DYTN: variants seen among roughly 807,000 people sequenced by gnomAD.
DYTN encodes dystrotelin.
A neutral mutation model predicts 69.6 loss-of-function variants in DYTN; 75 were observed. The observed-to-expected ratio is 1.08, with a 90% CI of 0.89 to 1.31. The LOEUF is 1.31. DYTN is among the 50% of genes most tolerant of loss of function. The pLI is 0.00. For synonymous variants in DYTN, 252 were observed against 249.1 expected (o/e 1.01, Z -0.11); for missense variants, 726 against 688.4 (o/e 1.05, Z -0.61).
chr2:206,665,332 T>C (rs966451552), intron 10 of DYTN, among the ~76,000 whole-genome samples: 1 of 152,184 alleles, frequency 6.6e-6, no homozygotes, highest in African/African-American at 2.4e-5. Flanking sequence ...ATGTTTTAGT[T>C]AGTGAATACA....
chr2:206,688,635 T>C (rs1051864333), intron 9 of DYTN, among the ~76,000 whole-genome samples: 2 of 152,174 alleles, frequency 1.3e-5, no homozygotes, highest in African/African-American at 2.4e-5. Context: ...GGGTTACAAA[T>C]AAATTTTTGC....
chr2:206,692,300 C>A (rs1221060603), intron 9 of DYTN, among the ~76,000 whole-genome samples: 1 of 149,804 alleles, frequency 6.7e-6, no homozygotes, highest in Non-Finnish European at 1.5e-5. Flanking sequence ...TCTCCTTTAT[C>A]TTCTGCTATT....
intron 4 of DYTN, 70 bp from the exon 5 acceptor site, chr2:206,705,013 A>C: frequency 8.1e-7 from 1 of 1,236,188 alleles, no homozygotes; most frequent in Non-Finnish European, 1.2e-6. Flanking sequence ...ACTTGCTTTG[A>C]AGTAACAGTC....
chr2:206,700,278 A>T lies in DYTN; in HGVS notation c.484-62T>A, dbSNP rs1444603789. On this transcript the variant is annotated intron_variant, in intron 5 of 11. Transcript: ENST00000452335. ...GGAGAAATATGTCGTCTCCGGGAGC[A>T]GCAGGGCTGAGAGCTGGTGCCCACG... 1.9e-6 allele frequency: 3 copies of T among 1,587,696 alleles called. No individual in the cohort carries two copies. The African/African-American group carries it at 4.0e-5, about 21-fold the overall frequency.
chr2:206,707,192 A>G lies in DYTN; in HGVS notation c.296+110T>C, dbSNP rs1267420555. 10 of 1,307,882 alleles carry G rather than the reference A, an allele frequency of 7.6e-6. No homozygotes were observed. The African/African-American group carries it at 1.3e-4, about 18-fold the overall frequency. The allele number at this position is 1,307,882 out of a possible 1,614,324, so 81.0% of individuals were successfully genotyped here. The stretch of plus-strand genomic sequence containing the variant: ...AATTTGTGAAAAACAAACAAAGAAG[A>G]CTTCTTATATACCAAACCTCAAGCA... On this transcript the variant is annotated intron_variant, in intron 3 of 11. Transcript: ENST00000452335.
At chr2:206,704,970 A>C in intron 4 of DYTN, 27 bp from the exon 5 acceptor site, 1 of 1,568,344 alleles carries the variant, frequency 6.4e-7, no homozygotes, top group Middle Eastern at 1.7e-4. Context: ...AACAATCTTT[A>C]AATTGAATAC....
chr2:206,711,956 A>C (rs1429025346), intron 1 of DYTN, among the ~76,000 whole-genome samples: 1 of 152,190 alleles, frequency 6.6e-6, no homozygotes, highest in Non-Finnish European at 1.5e-5. Context: ...ATATCTAGAA[A>C]AAATAACTAT....
At chr2:206,672,936 T>C (rs1363362773) in intron 9 of DYTN, among the ~76,000 whole-genome samples, 2 of 152,240 alleles carry the variant, frequency 1.3e-5, no homozygotes, top group South Asian at 2.1e-4. Flanking sequence ...AAAACTTGCA[T>C]TTTGAGTTCA....
intron 9 of DYTN, among the ~76,000 whole-genome samples, chr2:206,685,784 T>C (rs78724094): frequency 0.034 from 5,138 of 152,132 alleles, 112 homozygotes; most frequent in Middle Eastern, 0.065. Flanking sequence ...TTTTTTCCCC[T>C]TACATAACTT....
At chr2:206,680,819 C>T (rs1266786191) in intron 9 of DYTN, among the ~76,000 whole-genome samples, 1 of 152,134 alleles carries the variant, frequency 6.6e-6, no homozygotes, top group Non-Finnish European at 1.5e-5. Flanking sequence ...TGCACCAGTT[C>T]ATCAGTTTTT....
chr2:206,691,421 A>T (rs2217356), intron 9 of DYTN, among the ~76,000 whole-genome samples: 148,454 of 152,080 alleles, frequency 0.98, 72,507 homozygotes, highest in South Asian at 1. Context: ...TTAAAAAAAA[A>T]ATATATATAT....
chr2:206,666,976 T>C (rs1378550081), intron 9 of DYTN, among the ~76,000 whole-genome samples: 1 of 151,906 alleles, frequency 6.6e-6, no homozygotes, highest in Non-Finnish European at 1.5e-5. Flanking sequence ...GCCCAGGAGT[T>C]AGAGGTTACA....
intron 7 of DYTN, among the ~76,000 whole-genome samples, chr2:206,698,444 C>T (rs1699943075): frequency 6.6e-6 from 1 of 152,154 alleles, no homozygotes; most frequent in East Asian, 1.9e-4. Flanking sequence ...ACAAAGTGAG[C>T]AGGAGCTGAG....
In DYTN at chr2:206,694,663, C is replaced by T. The variant is rs1699900503; in HGVS notation, c.831+103G>A. ...TAGTCTTAAATATTGCAATGTATGA[C>T]AGGAGCAGAATCTGTGGTTTCACTG... On this transcript the variant is annotated intron_variant, in intron 8 of 11. Coordinates refer to ENST00000452335, the MANE Select transcript of DYTN (RefSeq NM_001093730.1). The T allele has an allele frequency of 5.8e-6, 5 of 862,888 alleles. No individual in the cohort carries two copies. In the East Asian group the frequency reaches 1.3e-4, roughly 23 times the overall value. The allele number at this position is 862,888 out of a possible 1,614,324, so 53.5% of individuals were successfully genotyped here. A position where few individuals can be genotyped will look rare whatever the true frequency, so the allele number is the denominator to read the frequency against.
intron 2 of DYTN, among the ~76,000 whole-genome samples, chr2:206,708,790 C>G (rs1192508980): frequency 6.6e-6 from 1 of 152,164 alleles, no homozygotes; most frequent in Non-Finnish European, 1.5e-5. Flanking sequence ...GTTTGGATAT[C>G]TTTTCTAGGT....
chr2:206,680,560 G>T (rs1699740237), intron 9 of DYTN, among the ~76,000 whole-genome samples: 1 of 152,060 alleles, frequency 6.6e-6, no homozygotes, highest in Non-Finnish European at 1.5e-5. Context: ...CAGTATAGTA[G>T]ATAGCAGCTA....
rs748731602 is a variant in DYTN, at chr2:206,704,918, A to G, written c.408T>C (p.Asn136=). The change falls in exon 5 of 12, where the codon AAT becomes AAC. Residue 136 remains asparagine (N), a synonymous_variant. Transcript: ENST00000452335. ...GCCCAGAATCATAGCCTCCCCTGCTATTTTCTGCATAGAGTTGAAAAAGAG... is the reference window on the plus strand; with the variant it reads ...GCCCAGAATCATAGCCTCCCCTGCTGTTTTCTGCATAGAGTTGAAAAAGAG... ...YRALFQLYAE[N]SRGGYDSGPR... 5 of 1,613,700 alleles carry G rather than the reference A, an allele frequency of 3.1e-6. No homozygotes were observed. The highest frequency in any genetic ancestry group is 2.2e-5 in the East Asian group (1 of 44,858).
intron 9 of DYTN, among the ~76,000 whole-genome samples, chr2:206,680,905 T>C (rs1430886380): frequency 6.6e-6 from 1 of 152,206 alleles, no homozygotes; most frequent in African/African-American, 2.4e-5. Flanking sequence ...AATAGTTTTT[T>C]CTAATTATGT....
At chr2:206,658,686 G>C (rs1699474745) in intron 11 of DYTN, among the ~76,000 whole-genome samples, 2 of 152,224 alleles carry the variant, frequency 1.3e-5, no homozygotes, top group Admixed American at 6.5e-5. Context: ...CCCCTGCAAA[G>C]TGAGAAGCTG....
Sources: gnomAD v4.1 joint callset for allele counts (sites outside exome capture counted in the v4.1 genomes callset) on GRCh38, gnomAD v4.1.1 for gene constraint, MANE v1.5 for transcripts, NCBI Gene and HGNC (gene_info 2026-07-23, HGNC 2026-07-21) for gene names.